TCF4: variants seen among roughly 807,000 people sequenced by gnomAD.
The protein encoded by TCF4 is transcription factor 4.
TCF4 carries 3 observed loss-of-function variants against 82.1 expected under a neutral mutation model. That is an observed-to-expected ratio of 0.04 (90% CI 0.02 to 0.09). TCF4 has a LOEUF of 0.09. TCF4 is among the 10% of genes least tolerant of loss of function. TCF4 has a pLI of 1.00. For missense variants in TCF4, 518 were observed against 852.7 expected (o/e 0.61, Z 4.89); for synonymous variants, 276 against 309.6 (o/e 0.89, Z 1.14).
chr18:55,616,150 G>A (rs559340330), intron 2 of TCF4, among the ~76,000 whole-genome samples: 7 of 152,060 alleles, frequency 4.6e-5, no homozygotes, highest in African/African-American at 7.2e-5. Context: ...CTTCCCAGCC[G>A]CTGGCAACCA....
At chr18:55,610,928 T>G (rs2097706440) in intron 2 of TCF4, among the ~76,000 whole-genome samples, 1 of 152,192 alleles carries the variant, frequency 6.6e-6, no homozygotes, top group African/African-American at 2.4e-5. Context: ...CCCCTTCTTT[T>G]CTTATGGTGA....
chr18:55,305,612 A>G (rs1302790535), intron 8 of TCF4, among the ~76,000 whole-genome samples: 1 of 152,206 alleles, frequency 6.6e-6, no homozygotes, highest in Non-Finnish European at 1.5e-5. Context: ...GAATGGTATC[A>G]ATTTATGTTT....
chr18:55,265,172 A>G (rs1165103748), intron 11 of TCF4: 1 of 152,182 alleles, frequency 6.6e-6, no homozygotes, highest in East Asian at 1.9e-4. Flanking sequence ...CCTTTAATGC[A>G]CACCCATCAT....
In TCF4 at chr18:55,286,094, C is replaced by T. The variant is rs528389045; in HGVS notation, c.550-6438G>A. On this transcript the variant is annotated intron_variant, in intron 8 of 19. Coordinates refer to ENST00000354452, the MANE Select transcript of TCF4 (RefSeq NM_001083962.2). ...AAATAAAAGGAAGAAACTCTTAATC[C>T]GCAATTTAGTCCTTGGCCTCTAGTG... 3.0e-4 allele frequency among the ~76,000 whole-genome samples: 46 copies of T among 152,216 alleles called. No individual in the cohort carries two copies. The East Asian group carries it at 4.1e-3, about 13-fold the overall frequency.
intron 4 of TCF4, among the ~76,000 whole-genome samples, chr18:55,462,848 G>A (rs1159347915): frequency 3.3e-5 from 5 of 152,100 alleles, no homozygotes; most frequent in African/African-American, 4.8e-5. Flanking sequence ...TGTCAAGCTC[G>A]ACAGCTGGTG....
intron 3 of TCF4, among the ~76,000 whole-genome samples, chr18:55,537,144 A>AC (rs2097124330): frequency 6.6e-6 from 1 of 151,926 alleles, no homozygotes; most frequent in African/African-American, 2.4e-5. Context: ...GGAAAAAAAA[A>AC]AAAAAAAAAA....
At chr18:55,542,028 A>G (rs2097168782) in intron 3 of TCF4, among the ~76,000 whole-genome samples, 1 of 151,954 alleles carries the variant, frequency 6.6e-6, no homozygotes, top group African/African-American at 2.4e-5. Context: ...AGATTCTATA[A>G]GCTTTTATAT....
At chr18:55,473,371 T>C (rs905533290) in intron 3 of TCF4, among the ~76,000 whole-genome samples, 2 of 152,188 alleles carry the variant, frequency 1.3e-5, no homozygotes, top group African/African-American at 4.8e-5. Flanking sequence ...TTTCCTTTTA[T>C]ACTTTAACAA....
chr18:55,623,550 A>G (rs2097723619), intron 2 of TCF4, among the ~76,000 whole-genome samples: 1 of 152,218 alleles, frequency 6.6e-6, no homozygotes, highest in African/African-American at 2.4e-5. Flanking sequence ...TGTGAATGCA[A>G]AATTGGATGC....
intron 6 of TCF4, chr18:55,383,848 G>C (rs1029158045): frequency 6.6e-6 from 1 of 152,198 alleles, no homozygotes; most frequent in African/African-American, 2.4e-5. Context: ...AGACATGAAT[G>C]ATGTGACCCA....
At chr18:55,551,854 G>C (rs1189526073) in intron 3 of TCF4, 1 of 152,116 alleles carries the variant, frequency 6.6e-6, no homozygotes, top group African/African-American at 2.4e-5. Context: ...ACAAGGAAAA[G>C]AGAGAAAAAC....
chr18:55,563,642 G>A (rs1490055618), intron 3 of TCF4, among the ~76,000 whole-genome samples: 1 of 152,232 alleles, frequency 6.6e-6, no homozygotes, highest in East Asian at 1.9e-4. Context: ...GCCTTGGCCA[G>A]CCTAGGGGAA....
chr18:55,439,993 A>C (rs889038401), intron 5 of TCF4, among the ~76,000 whole-genome samples: 39 of 152,128 alleles, frequency 2.6e-4, no homozygotes, highest in African/African-American at 9.2e-4. Flanking sequence ...CAAAGAGCTG[A>C]GATTACAGGC....
chr18:55,511,331 T>TTA (rs755856896), intron 3 of TCF4, among the ~76,000 whole-genome samples: 9 of 131,386 alleles, frequency 6.9e-5, no homozygotes, highest in Admixed American at 6.3e-4. Flanking sequence ...TCCAAAAGTT[T>TTA]AAAAAAAAAA....
intron 8 of TCF4, among the ~76,000 whole-genome samples, chr18:55,312,666 A>T (rs1274439373): frequency 1.3e-5 from 2 of 152,194 alleles, no homozygotes; most frequent in African/African-American, 2.4e-5. Flanking sequence ...TTGGGCCAAG[A>T]GGATCTGCTA....
rs192474833 is a variant in TCF4 at position 55,610,594 on chromosome 18, T to A, written c.286+20704A>T. 2.9e-3 allele frequency among the ~76,000 whole-genome samples: 439 copies of A among 152,300 alleles called. 2 individuals are homozygous for A. The highest frequency in any genetic ancestry group is 1.0e-2 in the African/African-American group (415 of 41,552). ...TCTGTCTGACTCCTGGATCTGTTTTTCCATTGATTCCAAATTCAGAAGATG... is the reference window on the plus strand; with the variant it reads ...TCTGTCTGACTCCTGGATCTGTTTTACCATTGATTCCAAATTCAGAAGATG... On this transcript the variant is annotated intron_variant, in intron 2 of 20. Coordinates refer to the TCF4 transcript ENST00000398339.
intron 3 of TCF4, among the ~76,000 whole-genome samples, chr18:55,505,843 A>G (rs2096753273): frequency 6.6e-6 from 1 of 151,330 alleles, no homozygotes; most frequent in Non-Finnish European, 1.5e-5. Flanking sequence ...ACAAATAACT[A>G]TGACATGGAG....
rs993135783 is a variant in TCF4, at chr18:55,467,098, T to C, written c.146-2961A>G. 7.2e-5 allele frequency among the ~76,000 whole-genome samples: 11 copies of C among 152,190 alleles called. No homozygotes were observed. The East Asian group carries it at 7.7e-4, about 11-fold the overall frequency. The stretch of plus-strand genomic sequence containing the variant: ...CACTAGCTCTCCCAAACCTAATAAA[T>C]AGAATAATCATATGAATTCTAATTA... On this transcript the variant is annotated intron_variant, in intron 3 of 19. Transcript: ENST00000354452.
chr18:55,482,801 A>C (rs1275253853), intron 3 of TCF4: 5 of 152,082 alleles, frequency 3.3e-5, no homozygotes, highest in Non-Finnish European at 7.3e-5. Context: ...GGTTCTTCAA[A>C]TACAGTACTT....
Sources: gnomAD v4.1 joint callset for allele counts (sites outside exome capture counted in the v4.1 genomes callset) on GRCh38, gnomAD v4.1.1 for gene constraint, MANE v1.5 for transcripts, NCBI Gene and HGNC (gene_info 2026-07-23, HGNC 2026-07-21) for gene names.